Variants in GRIN3A observed in about 807,000 individuals in gnomAD.
The protein encoded by GRIN3A is glutamate ionotropic receptor NMDA type subunit 3A.
In GRIN3A, 47 loss-of-function variants were observed where a neutral mutation model predicts 92.4. The ratio of observed to expected loss-of-function variants is 0.51; its 90% confidence interval spans 0.40 to 0.65. GRIN3A has a LOEUF of 0.65. Ranked by LOEUF, GRIN3A falls within the 30% of genes least tolerant of loss-of-function variation. The pLI is 0.00. For synonymous variants in GRIN3A, 527 were observed against 540.6 expected (o/e 0.97, Z 0.35); for missense variants, 1,324 against 1,393.1 (o/e 0.95, Z 0.79).
At chr9:101,573,776 T>A (rs1484949666) in intron 8 of GRIN3A, among the ~76,000 whole-genome samples, 90 of 99,646 alleles carry the variant, frequency 9.0e-4, no homozygotes, top group African/African-American at 4.2e-3. Flanking sequence ...ATGGTGCATT[T>A]TTTTTTTTTT....
intron 3 of GRIN3A, among the ~76,000 whole-genome samples, chr9:101,657,552 G>A (rs1032717034): frequency 6.6e-6 from 1 of 151,876 alleles, no homozygotes; most frequent in Non-Finnish European, 1.5e-5. Context: ...GTGGAGTAAC[G>A]ATGAAGAGAT....
At chr9:101,636,911 T>A (rs2118894341) in intron 3 of GRIN3A, among the ~76,000 whole-genome samples, 1 of 152,324 alleles carries the variant, frequency 6.6e-6, no homozygotes, top group South Asian at 2.1e-4. Flanking sequence ...TCCTATTCAT[T>A]CATAAAAGGT....
At chr9:101,586,654 C>G (rs1459251633) in intron 6 of GRIN3A, among the ~76,000 whole-genome samples, 2 of 152,112 alleles carry the variant, frequency 1.3e-5, no homozygotes, top group Non-Finnish European at 2.9e-5. Flanking sequence ...AAACTGAATG[C>G]AAAAATTTCA....
intron 2 of GRIN3A, among the ~76,000 whole-genome samples, chr9:101,675,226 C>T (rs1829379158): frequency 6.6e-6 from 1 of 151,908 alleles, no homozygotes; most frequent in African/African-American, 2.4e-5. Context: ...ATGAGGCTTA[C>T]TAATGAATTT....
In GRIN3A at chr9:101,670,453, C is replaced by T. The variant is rs368493328; in HGVS notation, c.1959G>A (p.Leu653=). ...TATCTCGGGTCCTCACTAAGATGCC[C>T]AAGCTGGTGGAGAAGAAAGGGCTGG... ...DFTSPFFSTS[L]GILVRTRDTA... Residue 653 remains leucine (L), a synonymous_variant, in exon 3 of 9, where the codon TTG becomes TTA. Coordinates refer to ENST00000361820, the MANE Select transcript of GRIN3A (RefSeq NM_133445.3). The T allele has an allele frequency of 6.8e-6, 11 of 1,613,868 alleles. No individual in the cohort carries two copies. In the African/African-American group the frequency reaches 1.5e-4, roughly 22 times the overall value.
chr9:101,632,910 G>A (rs1479612338), intron 3 of GRIN3A, among the ~76,000 whole-genome samples: 2 of 152,082 alleles, frequency 1.3e-5, no homozygotes, highest in South Asian at 2.1e-4. Flanking sequence ...TTTCTTTAAA[G>A]TTTCAGCTAA....
At chr9:101,574,887 C>G (rs1416854694) in intron 8 of GRIN3A, among the ~76,000 whole-genome samples, 1 of 152,178 alleles carries the variant, frequency 6.6e-6, no homozygotes, top group Non-Finnish European at 1.5e-5. Flanking sequence ...AGAGAATCCT[C>G]AGGCTTCCCA....
intron 5 of GRIN3A, among the ~76,000 whole-genome samples, chr9:101,617,415 AGT>A (rs1828475451): frequency 6.6e-6 from 1 of 152,028 alleles, no homozygotes; most frequent in African/African-American, 2.4e-5. Context: ...CTACAACAAA[AGT>A]GTTAAGATTC....
chr9:101,572,051 T>G lies in GRIN3A; in HGVS notation c.*1123A>C, dbSNP rs10512282. On this transcript the variant is annotated 3_prime_UTR_variant, in exon 9 of 9. Transcript: ENST00000361820. ...GATCATTAGAGGGACCAAAACCAGT[T>G]CATAGCTCCTCAGAGATGAGTGGGT... 0.095 allele frequency: 13,998 copies of G among 146,944 alleles called. 693 individuals carry two copies. The highest frequency in any genetic ancestry group is 0.15 in the Middle Eastern group (41 of 278). The allele number at this position is 146,944 out of a possible 1,614,324, so 9.1% of individuals were successfully genotyped here. A position where few individuals can be genotyped will look rare whatever the true frequency, so the allele number is the denominator to read the frequency against.
chr9:101,613,457 C>T lies in GRIN3A; in HGVS notation c.2685G>A (p.Lys895=). 6.2e-7 allele frequency: 1 copy of T among 1,614,156 alleles called. No homozygotes were observed. Among genetic ancestry groups the T allele is most frequent in the Non-Finnish European group, 8.5e-7 (1 of 1,180,008 alleles). Residue 895 remains lysine (K), a synonymous_variant, in exon 6 of 9, where the codon AAG becomes AAA. Coordinates refer to ENST00000361820, the MANE Select transcript of GRIN3A (RefSeq NM_133445.3). ...ANISELISQY[K]SHGFMDMLHD... Reference sequence around the variant, plus strand: ...GGAGCATATCCATAAACCCATGTGACTTGTATTGACTGATTAGCTCGGATA... The same window carrying T: ...GGAGCATATCCATAAACCCATGTGATTTGTATTGACTGATTAGCTCGGATA...
At chr9:101,707,957 T>G (rs1235178211) in intron 1 of GRIN3A, among the ~76,000 whole-genome samples, 1 of 152,130 alleles carries the variant, frequency 6.6e-6, no homozygotes, top group Non-Finnish European at 1.5e-5. Flanking sequence ...CTTTTAATGT[T>G]GACTCATTGC....
At chr9:101,581,077 G>A (rs376980571) in intron 6 of GRIN3A, among the ~76,000 whole-genome samples, 49 of 152,294 alleles carry the variant, frequency 3.2e-4, no homozygotes, top group African/African-American at 1.1e-3. Context: ...TGCGTATCAT[G>A]GGATAGAGAT....
intron 3 of GRIN3A, among the ~76,000 whole-genome samples, chr9:101,652,262 A>G (rs2118918387): frequency 6.6e-6 from 1 of 152,126 alleles, no homozygotes; most frequent in South Asian, 2.1e-4. Context: ...GACTTGAAAC[A>G]GGATTTAGAA....
intron 6 of GRIN3A, among the ~76,000 whole-genome samples, chr9:101,599,306 T>C (rs62575859): frequency 0.23 from 35,237 of 152,082 alleles, 4,127 homozygotes; most frequent in Middle Eastern, 0.31. Flanking sequence ...ACCACTTCAC[T>C]GAAATAATTC....
chr9:101,609,152 G>A (rs1204912307), intron 6 of GRIN3A, among the ~76,000 whole-genome samples: 1 of 152,192 alleles, frequency 6.6e-6, no homozygotes, highest in African/African-American at 2.4e-5. Context: ...AATCATGATT[G>A]GCCTAATCCA....
intron 1 of GRIN3A, among the ~76,000 whole-genome samples, chr9:101,732,153 A>T (rs1830146698): frequency 6.6e-6 from 1 of 152,200 alleles, no homozygotes; most frequent in Admixed American, 6.5e-5. Flanking sequence ...TGGGACTCAA[A>T]GTAGCTGGTT....
rs536750077 is a variant in GRIN3A, at chr9:101,581,663, T to C, written c.2767-2303A>G. On this transcript the variant is annotated intron_variant, in intron 6 of 8. Coordinates refer to ENST00000361820, the MANE Select transcript of GRIN3A (RefSeq NM_133445.3). Reference sequence around the variant, plus strand: ...ATCTTGAACTTCCAGCCTCCAGAACTGTGGGGAATACACTTCTCTTCTTTA... The same window carrying C: ...ATCTTGAACTTCCAGCCTCCAGAACCGTGGGGAATACACTTCTCTTCTTTA... Among the ~76,000 whole-genome samples, 174 of 152,248 alleles carry C rather than the reference T, an allele frequency of 1.1e-3. 4 individuals carry two copies. Among genetic ancestry groups the C allele is most frequent in the Non-Finnish European group, 1.3e-3 (89 of 68,012 alleles).
chr9:101,680,711 A>G (rs1280468860), intron 2 of GRIN3A, among the ~76,000 whole-genome samples: 1 of 152,216 alleles, frequency 6.6e-6, no homozygotes, highest in African/African-American at 2.4e-5. Flanking sequence ...GGGGGTTGCT[A>G]GCTTCCTGAC....
intron 3 of GRIN3A, among the ~76,000 whole-genome samples, chr9:101,662,265 C>A (rs910395309): frequency 2.6e-5 from 4 of 151,716 alleles, no homozygotes; most frequent in Non-Finnish European, 5.9e-5. Context: ...ATCTTGTCAC[C>A]GTGTTCACCT....
Sources: gnomAD v4.1 joint callset for allele counts (sites outside exome capture counted in the v4.1 genomes callset) on GRCh38, gnomAD v4.1.1 for gene constraint, MANE v1.5 for transcripts, NCBI Gene and HGNC (gene_info 2026-07-23, HGNC 2026-07-21) for gene names.